The following CYYR1 variants were observed in gnomAD, a reference collection of about 807,000 sequenced individuals.
CYYR1 encodes cysteine and tyrosine rich 1.
In CYYR1, 14 loss-of-function variants were observed where a neutral mutation model predicts 15.2. The ratio of observed to expected loss-of-function variants is 0.92; its 90% CI spans 0.61 to 1.44. The LOEUF is 1.44. CYYR1 is among the 40% of genes most tolerant of loss of function. The probability of loss-of-function intolerance (pLI) is 0.00; values close to 1 mark genes in which losing one functional copy is unlikely to be tolerated. For missense variants in CYYR1, 228 were observed against 209.5 expected (o/e 1.09, Z -0.54); for synonymous variants, 80 against 77.4 (o/e 1.03, Z -0.18).
At chr21:26,473,388 C>T (rs2065060555) in intron 3 of CYYR1, among the ~76,000 whole-genome samples, 1 of 152,132 alleles carries the variant, frequency 6.6e-6, no homozygotes, top group Non-Finnish European at 1.5e-5. Flanking sequence ...TCTACAATGG[C>T]CTAACATGCA....
At chr21:26,524,105 G>C (rs923884990) in intron 2 of CYYR1, among the ~76,000 whole-genome samples, 3 of 152,128 alleles carry the variant, frequency 2.0e-5, no homozygotes, top group Non-Finnish European at 4.4e-5. Flanking sequence ...TTCATTTGTA[G>C]GTTAAGGGTG....
rs1258365382 is a variant in CYYR1, at chr21:26,466,364, C to T, written c.*2137G>A. On this transcript the variant is annotated 3_prime_UTR_variant, in exon 4 of 4. Coordinates refer to ENST00000652641, the MANE Select transcript of CYYR1 (RefSeq NM_001320768.2). ...ATCATCTATGAAAACAATCAGTGAA[C>T]TCCAACAGTCTATACTGGTAATGTG... 6.6e-6 allele frequency: 1 copy of T among 152,166 alleles called. No homozygotes were observed. The highest frequency in any genetic ancestry group is 6.5e-5 in the Admixed American group (1 of 15,276). The allele number at this position is 152,166 out of a possible 1,614,324, so 9.4% of individuals were successfully genotyped here.
rs73898257 is a variant in CYYR1 at position 26,552,632 on chromosome 21, T to C, written c.176+13634A>G. ...AATTGATCTACTATGATTTTGACTA[T>C]ATTACTCTGTAGTTCTTTATTGTTC... On this transcript the variant is annotated intron_variant, in intron 2 of 3. Coordinates refer to ENST00000652641, the MANE Select transcript of CYYR1 (RefSeq NM_001320768.2). 8.0e-3 allele frequency among the ~76,000 whole-genome samples: 1,222 copies of C among 152,226 alleles called. 17 individuals carry two copies. The highest frequency in any genetic ancestry group is 0.028 in the African/African-American group (1,154 of 41,556).
intron 2 of CYYR1, among the ~76,000 whole-genome samples, chr21:26,546,336 C>T (rs964364639): frequency 6.6e-6 from 1 of 152,200 alleles, no homozygotes; most frequent in African/African-American, 2.4e-5. Context: ...TTTGTTTCTT[C>T]ATCACCACCC....
chr21:26,526,168 G>A (rs1221416191), intron 2 of CYYR1, among the ~76,000 whole-genome samples: 9 of 152,066 alleles, frequency 5.9e-5, no homozygotes, highest in Non-Finnish European at 4.4e-5. Flanking sequence ...TAAAAGTTAA[G>A]CTGGAGTGGT....
chr21:26,480,560 C>A, intron 2 of CYYR1, 131 bp from the exon 3 acceptor site: 16 of 841,500 alleles, frequency 1.9e-5, no homozygotes, highest in Middle Eastern at 2.8e-4. Context: ...GTGTGTTTTT[C>A]TTTTCTTTTT....
intron 2 of CYYR1, among the ~76,000 whole-genome samples, chr21:26,496,950 T>C (rs558619733): frequency 1.3e-5 from 2 of 152,268 alleles, no homozygotes; most frequent in African/African-American, 4.8e-5. Flanking sequence ...TTTTGGACCA[T>C]TAACATCTAG....
intron 2 of CYYR1, chr21:26,503,505 A>G (rs566312823): frequency 1.3e-5 from 2 of 152,304 alleles, no homozygotes; most frequent in South Asian, 4.1e-4. Flanking sequence ...TCAACACACT[A>G]TAATATTCGT....
At chr21:26,569,612 AAAAT>A (rs1980881594) in intron 1 of CYYR1, among the ~76,000 whole-genome samples, 2 of 152,198 alleles carry the variant, frequency 1.3e-5, no homozygotes, top group African/African-American at 4.8e-5. Context: ...AAATTATCAA[AAAAT>A]AAATAAATAA....
At chr21:26,483,286 G>T (rs1416019789) in intron 2 of CYYR1, 3 of 199,028 alleles carry the variant, frequency 1.5e-5, no homozygotes, top group African/African-American at 2.4e-5. Flanking sequence ...TATATTCTTT[G>T]ATACTTTCTC....
intron 3 of CYYR1, among the ~76,000 whole-genome samples, chr21:26,477,329 AT>A (rs2065118039): frequency 6.6e-6 from 1 of 152,198 alleles, no homozygotes; most frequent in Non-Finnish European, 1.5e-5. Flanking sequence ...TGAGAAGGAA[AT>A]GAGAAGTAAT....
At chr21:26,536,336 C>CT (rs1276602632) in intron 2 of CYYR1, among the ~76,000 whole-genome samples, 4 of 152,186 alleles carry the variant, frequency 2.6e-5, no homozygotes, top group African/African-American at 9.6e-5. Context: ...GCATTAAGCC[C>CT]TGCTTTTCCA....
chr21:26,480,332 T>C lies in CYYR1; in HGVS notation c.274A>G (p.Arg92Gly). The change falls in exon 3 of 4, where the codon AGG (arginine) becomes GGG (glycine). Residue 92 changes from arginine (R) to glycine (G), a missense_variant. By Grantham distance (125) the Arg-to-Gly change is moderately radical (BLOSUM62 -2). Coordinates refer to ENST00000652641, the MANE Select transcript of CYYR1 (RefSeq NM_001320768.2). ...ICICMCMKNH[R>G]ATRVGILRTT... is the part of the protein sequence containing the mutation. Reference sequence around the variant, plus strand: ...CTGAGGATGCCCACGCGGGTCGCCCTGTGGTTCTTCATGCACATGCAGATG... The same window carrying C: ...CTGAGGATGCCCACGCGGGTCGCCCCGTGGTTCTTCATGCACATGCAGATG... 1 of 1,613,616 alleles carries C rather than the reference T, an allele frequency of 6.2e-7. No homozygotes were observed. The highest frequency in any genetic ancestry group is 8.5e-7 in the Non-Finnish European group (1 of 1,179,688).
chr21:26,478,170 T>A, intron 3 of CYYR1: 1 of 1,548,018 alleles, frequency 6.5e-7, no homozygotes, highest in South Asian at 1.2e-5. Context: ...ACAATCAACA[T>A]AATGATTAGC....
At chr21:26,562,355 T>C (rs1420775601) in intron 2 of CYYR1, among the ~76,000 whole-genome samples, 1 of 152,220 alleles carries the variant, frequency 6.6e-6, no homozygotes, top group Non-Finnish European at 1.5e-5. Context: ...CTTTGTCTAT[T>C]GTCTTAATGA....
intron 2 of CYYR1, among the ~76,000 whole-genome samples, chr21:26,526,014 T>C (rs2065859450): frequency 6.6e-6 from 1 of 152,006 alleles, no homozygotes; most frequent in Non-Finnish European, 1.5e-5. Context: ...GGGGGCCTTT[T>C]GGAGGGTGGA....
intron 2 of CYYR1, among the ~76,000 whole-genome samples, chr21:26,513,130 A>C (rs760315472): frequency 6.6e-6 from 1 of 152,110 alleles, no homozygotes; most frequent in Non-Finnish European, 1.5e-5. Flanking sequence ...CCTAGCTCAA[A>C]TGTTGCTTTC....
intron 2 of CYYR1, among the ~76,000 whole-genome samples, chr21:26,531,979 C>G (rs561443331): frequency 1.3e-5 from 2 of 152,112 alleles, no homozygotes; most frequent in East Asian, 3.9e-4. Flanking sequence ...GACACAACCT[C>G]TGGCCTGCAA....
At chr21:26,502,017 T>TA (rs963471099) in intron 2 of CYYR1, among the ~76,000 whole-genome samples, 1 of 151,970 alleles carries the variant, frequency 6.6e-6, no homozygotes, top group East Asian at 1.9e-4. Flanking sequence ...ATAAAAGCAG[T>TA]AAAAAAAATC....
Sources: gnomAD v4.1 joint callset for allele counts (sites outside exome capture counted in the v4.1 genomes callset) on GRCh38, gnomAD v4.1.1 for gene constraint, MANE v1.5 for transcripts, NCBI Gene and HGNC (gene_info 2026-07-23, HGNC 2026-07-21) for gene names.